Variants in ZFHX3 observed in about 807,000 individuals in gnomAD.
ZFHX3 encodes the protein zinc finger homeobox 3, also known as zinc finger homeobox protein 3.
Under a neutral mutation model 279.1 loss-of-function variants are expected in ZFHX3, and 42 were observed. That is an observed-to-expected ratio of 0.15 (90% CI 0.12 to 0.19). The LOEUF is 0.19. ZFHX3 is among the 10% of genes least tolerant of loss of function. The pLI is 1.00. For synonymous variants in ZFHX3, 2,293 were observed against 1,957.8 expected, an observed-to-expected ratio of 1.17 and a Z score of -4.52; for missense variants, 4,981 against 4,754.0, an observed-to-expected ratio of 1.05 and a Z score of -1.40.
At chr16:73,057,216 C>CA (rs1707179920) in intron 1 of ZFHX3, among the ~76,000 whole-genome samples, 1 of 152,188 alleles carries the variant, frequency 6.6e-6, no homozygotes, top group South Asian at 2.1e-4. Flanking sequence ...CGCTTGTAAT[C>CA]AAAGAATTTG....
intron 2 of ZFHX3, chr16:73,554,588 T>A (rs1420398625): frequency 6.6e-6 from 1 of 152,226 alleles, no homozygotes; most frequent in Non-Finnish European, 1.5e-5. Context: ...CTTTCATTTT[T>A]AAATATTAGT....
intron 5 of ZFHX3, among the ~76,000 whole-genome samples, chr16:73,231,058 C>T (rs550027596): frequency 3.3e-5 from 5 of 152,076 alleles, no homozygotes; most frequent in Non-Finnish European, 7.4e-5. Flanking sequence ...ATTGCAAAAA[C>T]GGAGTGAATG....
At chr16:73,797,429 C>T (rs1359229242) in intron 1 of ZFHX3, among the ~76,000 whole-genome samples, 1 of 152,192 alleles carries the variant, frequency 6.6e-6, no homozygotes, top group African/African-American at 2.4e-5. Context: ...CAACAAATGG[C>T]AGAGGGCCCA....
rs116216261 is a variant in ZFHX3, at chr16:73,041,027, G to A, written c.-50+6725C>T. Reference sequence around the variant, plus strand: ...AAAGAGCAGAGGCCACCTTTCCAAAGAGTGGGCTTTTTTGATTCACCTTTG... The same window carrying A: ...AAAGAGCAGAGGCCACCTTTCCAAAAAGTGGGCTTTTTTGATTCACCTTTG... On this transcript the variant is annotated intron_variant, in intron 1 of 9. Transcript: ENST00000268489. Among the ~76,000 whole-genome samples, 1,386 of 152,354 alleles carry A rather than the reference G, an allele frequency of 9.1e-3. 15 individuals carry two copies. Among genetic ancestry groups the A allele is most frequent in the African/African-American group, 0.031 (1,276 of 41,584 alleles).
At chr16:72,890,496 GTTTT>G (rs113661748) in intron 3 of ZFHX3, among the ~76,000 whole-genome samples, 1 of 142,018 alleles carries the variant, frequency 7.0e-6, no homozygotes, top group Non-Finnish European at 1.5e-5. Flanking sequence ...TCCTTAGAGG[GTTTT>G]TTTTTTTTTT....
intron 3 of ZFHX3, among the ~76,000 whole-genome samples, chr16:72,894,370 C>A (rs911579349): frequency 6.6e-6 from 1 of 152,184 alleles, no homozygotes; most frequent in Non-Finnish European, 1.5e-5. Context: ...GTCCTGACCT[C>A]TGTGACCTTC....
At chr16:73,055,353 T>C (rs917625766) in intron 1 of ZFHX3, among the ~76,000 whole-genome samples, 8 of 152,220 alleles carry the variant, frequency 5.3e-5, no homozygotes, top group Non-Finnish European at 8.8e-5. Flanking sequence ...CTCTGGTGCC[T>C]TTAAACCACA....
At chr16:73,120,132 C>G (rs1306397155) in intron 7 of ZFHX3, among the ~76,000 whole-genome samples, 3 of 152,122 alleles carry the variant, frequency 2.0e-5, no homozygotes, top group Admixed American at 1.3e-4. Flanking sequence ...TTTTTTCACA[C>G]TCAAGGCTCT....
At chr16:73,841,647 C>T (rs1961312122) in intron 1 of ZFHX3, among the ~76,000 whole-genome samples, 1 of 152,142 alleles carries the variant, frequency 6.6e-6, no homozygotes, top group Non-Finnish European at 1.5e-5. Flanking sequence ...GAGATCCCTC[C>T]ACCACCCATC....
At chr16:73,068,585 T>C (rs1965784480) in intron 8 of ZFHX3, among the ~76,000 whole-genome samples, 2 of 152,216 alleles carry the variant, frequency 1.3e-5, no homozygotes, top group Admixed American at 1.3e-4. Flanking sequence ...CTGGCCATAC[T>C]AGGGAAGTTC....
intron 3 of ZFHX3, among the ~76,000 whole-genome samples, chr16:73,359,482 G>A (rs1406083883): frequency 3.9e-5 from 6 of 152,198 alleles, no homozygotes; most frequent in South Asian, 2.1e-4. Context: ...GGCTAACTCA[G>A]TATTTGCGAA....
At chr16:72,877,081 C>A (rs1478365804) in intron 4 of ZFHX3, among the ~76,000 whole-genome samples, 2 of 152,238 alleles carry the variant, frequency 1.3e-5, no homozygotes. Context: ...AGTCTACATT[C>A]CTGATTAAAG....
At chr16:73,621,547 C>A (rs2052362906) in intron 2 of ZFHX3, among the ~76,000 whole-genome samples, 1 of 152,050 alleles carries the variant, frequency 6.6e-6, no homozygotes, top group Admixed American at 6.6e-5. Flanking sequence ...AAGGGAAAGG[C>A]CTTTACAAAT....
chr16:73,849,924 G>A (rs1732978175), intron 1 of ZFHX3, among the ~76,000 whole-genome samples: 2 of 152,106 alleles, frequency 1.3e-5, no homozygotes, highest in Non-Finnish European at 2.9e-5. Context: ...GTAGAGGCGG[G>A]GTTTCACCAT....
intron 8 of ZFHX3, among the ~76,000 whole-genome samples, chr16:73,075,839 C>T (rs1489949108): frequency 6.6e-6 from 1 of 151,954 alleles, no homozygotes; most frequent in African/African-American, 2.4e-5. Flanking sequence ...TCACTGTTGG[C>T]CAGGTTGGTC....
At chr16:73,052,736 T>TA (rs990344841), upstream of ZFHX3, among the ~76,000 whole-genome samples, 4 of 152,170 alleles carry the variant, frequency 2.6e-5, no homozygotes, top group African/African-American at 9.7e-5. Context: ...ACAAAGAGGT[T>TA]AAAAAAATAG....
chr16:73,265,472 G>T (rs181978885), intron 4 of ZFHX3, among the ~76,000 whole-genome samples: 248 of 152,184 alleles, frequency 1.6e-3, no homozygotes, highest in Admixed American at 2.2e-3. Context: ...AATGGTGGGG[G>T]TTTTTTTGTT....
At chr16:73,394,494 A>C (rs1210386388) in intron 3 of ZFHX3, among the ~76,000 whole-genome samples, 2 of 152,012 alleles carry the variant, frequency 1.3e-5, no homozygotes, top group African/African-American at 2.4e-5. Flanking sequence ...ATGGGGTATC[A>C]TCATGTTGAC....
intron 2 of ZFHX3, among the ~76,000 whole-genome samples, chr16:73,652,156 G>C (rs2052678120): frequency 6.6e-6 from 1 of 152,142 alleles, no homozygotes; most frequent in Admixed American, 6.5e-5. Context: ...GAGCTTAGAG[G>C]GCAAGGAAAG....
Sources: gnomAD v4.1 joint callset for allele counts (sites outside exome capture counted in the v4.1 genomes callset) on GRCh38, gnomAD v4.1.1 for gene constraint, MANE v1.5 for transcripts, NCBI Gene and HGNC (gene_info 2026-07-23, HGNC 2026-07-21) for gene names.